The following ZMYM2 variants were observed in gnomAD, a reference collection of about 807,000 sequenced individuals.
ZMYM2 encodes the protein zinc finger MYM-type containing 2.
A neutral mutation model predicts 162.8 loss-of-function variants in ZMYM2; 56 were observed. That is an observed-to-expected ratio of 0.34 (90% CI 0.28 to 0.43). The LOEUF (loss-of-function observed/expected upper bound fraction) is 0.43, where lower values mean the gene tolerates loss of function less well. Ranked by LOEUF, ZMYM2 falls within the 20% of genes least tolerant of loss-of-function variation. ZMYM2 has a pLI of 1.00. For missense variants in ZMYM2, 1,275 were observed against 1,621.8 expected, an observed-to-expected ratio of 0.79 and a Z score of 3.67; for synonymous variants, 510 against 541.6, an observed-to-expected ratio of 0.94 and a Z score of 0.81.
chr13:19,928,744 C>G, the ZMYM2 span, among the ~76,000 whole-genome samples: 4 of 151,462 alleles, frequency 2.6e-5, no homozygotes, highest in African/African-American at 9.7e-5. Context: ...TTGCAGTGAG[C>G]TATGATGAAG....
chr13:19,936,043 A>G, the ZMYM2 span, among the ~76,000 whole-genome samples: 1 of 152,224 alleles, frequency 6.6e-6, no homozygotes, highest in African/African-American at 2.4e-5. Context: ...TGTTAGCTGG[A>G]ATCACGGAAT....
At chr13:19,944,103 C>G in the ZMYM2 span, among the ~76,000 whole-genome samples, 1 of 152,082 alleles carries the variant, frequency 6.6e-6, no homozygotes, top group Admixed American at 6.6e-5. Flanking sequence ...AGCTACTTCT[C>G]TTTTGCTGTG....
At chr13:20,076,360 G>T (rs1176295787) in intron 21 of ZMYM2, among the ~76,000 whole-genome samples, 1 of 150,470 alleles carries the variant, frequency 6.6e-6, no homozygotes, top group Non-Finnish European at 1.5e-5. Flanking sequence ...TTATCCTAAA[G>T]AACTGATGCA....
chr13:19,999,325 A>G (rs1196952398), intron 3 of ZMYM2, among the ~76,000 whole-genome samples: 2 of 152,212 alleles, frequency 1.3e-5, no homozygotes, highest in East Asian at 3.8e-4. Flanking sequence ...TCATGTGGTC[A>G]CTTCGTGTCT....
At chr13:20,063,901 T>TATAAA (rs1956462108) in intron 18 of ZMYM2, among the ~76,000 whole-genome samples, 1 of 145,478 alleles carries the variant, frequency 6.9e-6, no homozygotes, top group Non-Finnish European at 1.5e-5. Context: ...AAATATAATT[T>TATAAA]TATATATAAT....
At chr13:19,985,011 T>G (rs764387459) in intron 2 of ZMYM2, among the ~76,000 whole-genome samples, 1 of 152,256 alleles carries the variant, frequency 6.6e-6, no homozygotes, top group Non-Finnish European at 1.5e-5. Flanking sequence ...CTACACATTT[T>G]ATAACATCTG....
chr13:19,982,133 G>A (rs1246359466), intron 2 of ZMYM2, among the ~76,000 whole-genome samples: 1 of 152,100 alleles, frequency 6.6e-6, no homozygotes, highest in Admixed American at 6.5e-5. Context: ...TAAAGAGCTT[G>A]CACCTGAACT....
intron 7 of ZMYM2, among the ~76,000 whole-genome samples, chr13:20,023,445 T>C (rs866256754): frequency 6.6e-6 from 1 of 152,186 alleles, no homozygotes; most frequent in Non-Finnish European, 1.5e-5. Flanking sequence ...TTGGGAGAAG[T>C]TGTAAAATCG....
At position 20,019,612 on chromosome 13, in the gene ZMYM2, G is replaced by T. The variant is rs536920201; in HGVS notation, c.1578G>T (p.Gln526His). The stretch of plus-strand genomic sequence containing the variant: ...ACATGCAGGACTCTTTCTTAATGCA[G>T]CCTGAGGTAAGCAGGAATGTAAATG... ...RDHMQDSFLM[Q>H]PEKYGKLTTC... The change falls in exon 7 of 25, where the codon CAG becomes CAT. Residue 526 changes from glutamine to histidine, a missense_variant. Gln to His is a conservative substitution (Grantham distance 24). This residue lies in a region of ZMYM2 where 276 missense variants were observed against 311.8 expected (regional missense o/e 0.89). Coordinates refer to ENST00000610343, the MANE Select transcript of ZMYM2 (RefSeq NM_197968.4). The T allele has an allele frequency of 1.0e-5, 16 of 1,593,556 alleles. No homozygotes were observed. The highest frequency in any genetic ancestry group is 1.7e-4 in the Middle Eastern group (1 of 6,058).
chr13:19,970,646 T>C (rs577103267), intron 2 of ZMYM2, among the ~76,000 whole-genome samples: 1 of 151,264 alleles, frequency 6.6e-6, no homozygotes, highest in Non-Finnish European at 1.5e-5. Flanking sequence ...GAAAGGTTAT[T>C]TGTTAAAGAA....
Position 20,076,581 on chromosome 13 carries a change from A to G in ZMYM2, c.3454-5435A>G, listed in dbSNP as rs141953740. On this transcript the variant is annotated intron_variant, in intron 21 of 24. Transcript: ENST00000610343. ...TTATTATAGACAGTAAGTCTTTGTC[A>G]TTTTTCCAAATTTTTCTCCAGAATT... is the stretch of plus-strand genomic sequence containing the variant. Among the ~76,000 whole-genome samples the G allele has an allele frequency of 1.5e-3, 227 of 149,984 alleles. 21 individuals are homozygous for G. Among genetic ancestry groups the G allele is most frequent in the African/African-American group, 5.3e-3 (211 of 39,616 alleles).
intron 14 of ZMYM2, among the ~76,000 whole-genome samples, chr13:20,052,560 C>T (rs530251666): frequency 3.4e-4 from 51 of 151,918 alleles, no homozygotes; most frequent in Non-Finnish European, 6.2e-4. Flanking sequence ...TTTGAGTTGA[C>T]GGATGTTTCC....
intron 24 of ZMYM2, among the ~76,000 whole-genome samples, chr13:20,084,822 C>G (rs1054289333): frequency 1.3e-5 from 2 of 152,276 alleles, no homozygotes; most frequent in South Asian, 2.1e-4. Flanking sequence ...CCTGTTTAAA[C>G]AAATTTATAA....
chr13:19,991,387 TAGGATTAC>T (rs1949609797), intron 2 of ZMYM2, among the ~76,000 whole-genome samples: 1 of 150,912 alleles, frequency 6.6e-6, no homozygotes, highest in African/African-American at 2.4e-5. Context: ...CCCAAAATGC[TAGGATTAC>T]AGGTATGAGC....
chr13:19,985,248 G>A (rs7988411), intron 2 of ZMYM2, among the ~76,000 whole-genome samples: 131,014 of 152,054 alleles, frequency 0.86, 57,792 homozygotes, highest in East Asian at 0.99. Context: ...CTCAGCCCCC[G>A]AAGTAGCTGG....
chr13:19,919,194 G>A, the ZMYM2 span, among the ~76,000 whole-genome samples: 1 of 151,466 alleles, frequency 6.6e-6, no homozygotes, highest in Non-Finnish European at 1.5e-5. Context: ...CATATGAAGA[G>A]TTTGTTCCTT....
rs114530669 is a variant in ZMYM2 at position 19,970,286 on chromosome 13, A to G, written c.-11+10260A>G. ...TTAAACTATGTTTGGAGAAGGAAGT[A>G]TGGGTTTATTTACCTTCTTTGGTAA... On this transcript the variant is annotated intron_variant, in intron 2 of 24. Transcript: ENST00000610343. 1.8e-3 allele frequency among the ~76,000 whole-genome samples: 276 copies of G among 152,270 alleles called. 1 individual carries two copies. The highest frequency in any genetic ancestry group is 6.4e-3 in the African/African-American group (264 of 41,570).
chr13:20,067,160 A>C, intron 20 of ZMYM2, 79 bp from the exon 21 acceptor site: 1 of 1,406,260 alleles, frequency 7.1e-7, no homozygotes, highest in Non-Finnish European at 9.5e-7. Flanking sequence ...AGCTCTTACA[A>C]AGAATAACGT....
the ZMYM2 span, among the ~76,000 whole-genome samples, chr13:19,877,232 A>ACCCTCC: frequency 2.0e-5 from 3 of 151,694 alleles, no homozygotes; most frequent in Non-Finnish European, 2.9e-5. Flanking sequence ...AAAAAAACAA[A>ACCCTCC]GAAGTTTATT....
Sources: gnomAD v4.1 joint callset for allele counts (sites outside exome capture counted in the v4.1 genomes callset) on GRCh38, gnomAD v4.1.1 for gene constraint, gnomAD v4.1.1 regional missense constraint, MANE v1.5 for transcripts, NCBI Gene and HGNC (gene_info 2026-07-23, HGNC 2026-07-21) for gene names.